Variants in OTOGL observed in about 807,000 individuals in gnomAD.
OTOGL encodes otogelin-like protein.
Under a neutral mutation model 318.5 loss-of-function variants are expected in OTOGL, and 285 were observed. That is an observed-to-expected ratio of 0.89 (90% CI 0.81 to 0.99). OTOGL has a LOEUF of 0.99. Ranked by LOEUF, OTOGL falls within the 50% of genes least tolerant of loss-of-function variation. The pLI is 0.00. For synonymous variants in OTOGL, 987 were observed against 936.5 expected, an observed-to-expected ratio of 1.05 and a Z score of -0.99; for missense variants, 2,899 against 2,845.6, an observed-to-expected ratio of 1.02 and a Z score of -0.43.
At chr12:80,320,802 A>C (rs1887285194) in intron 34 of OTOGL, 102 bp downstream of exon 34, 4 of 1,240,806 alleles carry the variant, frequency 3.2e-6, no homozygotes, top group Non-Finnish European at 4.3e-6. Flanking sequence ...GCATATAAGC[A>C]GATAGACTTT....
In OTOGL at chr12:80,320,694, A is replaced by G. The variant is rs1173075979; in HGVS notation, c.4075A>G (p.Ile1359Val). ...ATTTAAACATTCAAGTAGCTTCAGCATAGAAGGTATGTTTCCTGAGATCTC... is the reference window on the plus strand; with the variant it reads ...ATTTAAACATTCAAGTAGCTTCAGCGTAGAAGGTATGTTTCCTGAGATCTC... The part of the protein sequence containing the change: ...EEFKHSSSFS[I>V]EEIQAAVPYR... Residue 1359 changes from isoleucine (I) to valine (V), a missense_variant, in exon 34 of 59, where the codon ATA becomes GTA. Physicochemically the swap from Ile to Val is conservative, Grantham distance 29. Transcript: ENST00000547103. The G allele has an allele frequency of 6.3e-6, 10 of 1,597,302 alleles. No individual in the cohort carries two copies. In the East Asian group the frequency reaches 2.2e-4, roughly 36 times the overall value.
intron 9 of OTOGL, 68 bp from the exon 10 acceptor site, chr12:80,238,783 T>C: frequency 7.4e-7 from 1 of 1,350,458 alleles, no homozygotes. Context: ...AAGAACCATG[T>C]CTGTTTGTGG....
chr12:80,145,162 T>C (rs1449912667), intron 1 of OTOGL, among the ~76,000 whole-genome samples: 1 of 150,906 alleles, frequency 6.6e-6, no homozygotes, highest in Non-Finnish European at 1.5e-5. Flanking sequence ...ATTGCCTAGG[T>C]TTTCTTCTAG....
chr12:80,278,874 A>G (rs538322145), intron 25 of OTOGL, among the ~76,000 whole-genome samples, 154 bp from the exon 26 acceptor site: 1 of 151,552 alleles, frequency 6.6e-6, no homozygotes, highest in Non-Finnish European at 1.5e-5. Flanking sequence ...TAATTTGTCA[A>G]TGTAATAGGT....
At chr12:80,308,895 G>A (rs947995238) in intron 29 of OTOGL, among the ~76,000 whole-genome samples, 1 of 152,302 alleles carries the variant, frequency 6.6e-6, no homozygotes, top group South Asian at 2.1e-4. Flanking sequence ...CAGGGAGGTT[G>A]CAGTGAGCCG....
At chr12:80,242,663 C>G (rs187960247) in intron 11 of OTOGL, among the ~76,000 whole-genome samples, 3 of 152,062 alleles carry the variant, frequency 2.0e-5, no homozygotes, top group African/African-American at 7.2e-5. Flanking sequence ...ATTCAACACA[C>G]ATCTTTTGAG....
chr12:80,249,313 T>A (rs1449607899), intron 11 of OTOGL, among the ~76,000 whole-genome samples: 3 of 151,412 alleles, frequency 2.0e-5, no homozygotes, highest in Non-Finnish European at 4.4e-5. Context: ...CTTTTGGTCT[T>A]TGATGATGGT....
At chr12:80,132,795 T>C (rs1265554203) in intron 1 of OTOGL, 1 of 152,186 alleles carries the variant, frequency 6.6e-6, no homozygotes, top group African/African-American at 2.4e-5. Flanking sequence ...ACCAGGTAAA[T>C]ATTCTAAATG....
At chr12:80,289,722 C>T (rs1465572493) in intron 26 of OTOGL, among the ~76,000 whole-genome samples, 1 of 152,176 alleles carries the variant, frequency 6.6e-6, no homozygotes, top group Non-Finnish European at 1.5e-5. Context: ...ACTCAAGCCT[C>T]AGTAATGGCG....
At chr12:80,355,969 T>C (rs773933168) in intron 47 of OTOGL, 21 bp downstream of exon 47, 17 of 1,602,198 alleles carry the variant, frequency 1.1e-5, no homozygotes, top group African/African-American at 1.3e-5. Context: ...AGAAGCCTTA[T>C]AGTCAATTGA....
At chr12:80,159,597 T>C (rs888197096) in intron 1 of OTOGL, among the ~76,000 whole-genome samples, 5 of 151,996 alleles carry the variant, frequency 3.3e-5, no homozygotes, top group Admixed American at 1.3e-4. Flanking sequence ...AAAGAAATCA[T>C]AGATGGCACA....
chr12:80,158,043 A>T (rs563952993), intron 1 of OTOGL, among the ~76,000 whole-genome samples: 1 of 152,270 alleles, frequency 6.6e-6, no homozygotes, highest in East Asian at 1.9e-4. Flanking sequence ...ACTAAGTAGA[A>T]ATTAGTAAAT....
intron 1 of OTOGL, among the ~76,000 whole-genome samples, chr12:80,206,493 C>T (rs559847984): frequency 6.6e-6 from 1 of 152,126 alleles, no homozygotes; most frequent in African/African-American, 2.4e-5. Flanking sequence ...CTGAGGCTTC[C>T]TCTTACAAAT....
At chr12:80,305,750 T>A in intron 29 of OTOGL, 55 bp downstream of exon 29, 3 of 1,306,086 alleles carry the variant, frequency 2.3e-6, no homozygotes, top group Non-Finnish European at 3.0e-6. Context: ...GAATATTTTT[T>A]CACTAGAACA....
chr12:80,274,027 C>G (rs1244602108), intron 24 of OTOGL, among the ~76,000 whole-genome samples: 1 of 152,020 alleles, frequency 6.6e-6, no homozygotes, highest in African/African-American at 2.4e-5. Context: ...CTCTCTTGCT[C>G]TTCTCAGGTC....
At chr12:80,129,875 T>C (rs1002038067) in intron 1 of OTOGL, among the ~76,000 whole-genome samples, 1 of 152,184 alleles carries the variant, frequency 6.6e-6, no homozygotes, top group African/African-American at 2.4e-5. Flanking sequence ...TTTGTTCCCT[T>C]AACTTCCATG....
intron 26 of OTOGL, among the ~76,000 whole-genome samples, chr12:80,283,763 C>T (rs1884406964): frequency 6.6e-6 from 1 of 152,072 alleles, no homozygotes; most frequent in Non-Finnish European, 1.5e-5. Flanking sequence ...TAGAGCAGCA[C>T]TTCTTAAACC....
chr12:80,161,093 A>C (rs978975159), intron 1 of OTOGL, among the ~76,000 whole-genome samples: 1 of 152,020 alleles, frequency 6.6e-6, no homozygotes, highest in Admixed American at 6.6e-5. Flanking sequence ...AAGGCTGGGA[A>C]GGGGGTGAGG....
At chr12:80,231,452 C>T (rs1879350776) in intron 8 of OTOGL, among the ~76,000 whole-genome samples, 1 of 151,614 alleles carries the variant, frequency 6.6e-6, no homozygotes, top group Non-Finnish European at 1.5e-5. Context: ...GGGGATTATC[C>T]CTTTGTTAAT....
Sources: gnomAD v4.1 joint callset for allele counts (sites outside exome capture counted in the v4.1 genomes callset) on GRCh38, gnomAD v4.1.1 for gene constraint, MANE v1.5 for transcripts, NCBI Gene and HGNC (gene_info 2026-07-23, HGNC 2026-07-21) for gene names.